CHLSN: variants seen among roughly 807,000 people sequenced by gnomAD.
The protein encoded by CHLSN is cholesin, also known as protein cholesin.
the CHLSN span, among the ~76,000 whole-genome samples, chr7:1,004,250 C>T: frequency 2.0e-5 from 3 of 152,150 alleles, no homozygotes; most frequent in Non-Finnish European, 2.9e-5. Context: ...ATGGCATCTG[C>T]CTGCTGGGGG....
chr7:1,008,968 C>A, the CHLSN span, among the ~76,000 whole-genome samples: 3 of 151,570 alleles, frequency 2.0e-5, no homozygotes, highest in Admixed American at 6.6e-5. Context: ...AACACACATG[C>A]GTGCACACAC....
At chr7:1,012,559 T>C in the CHLSN span, among the ~76,000 whole-genome samples, 1 of 152,238 alleles carries the variant, frequency 6.6e-6, no homozygotes, top group Non-Finnish European at 1.5e-5. Flanking sequence ...GCTCCCGACC[T>C]GGCAGGAGTC....
the CHLSN span, among the ~76,000 whole-genome samples, chr7:1,044,328 C>G: frequency 6.6e-6 from 1 of 152,274 alleles, no homozygotes; most frequent in Non-Finnish European, 1.5e-5. Flanking sequence ...GGTGTGTGTC[C>G]TCCCACAGGG....
chr7:1,135,930 A>AATATATATAAGTATATATAAAT, the CHLSN span, among the ~76,000 whole-genome samples: 53 of 121,976 alleles, frequency 4.3e-4, 1 homozygote, highest in African/African-American at 1.6e-3. Flanking sequence ...AGTATATATA[A>AATATATATAAGTATATATAAAT]ATATATAAGT....
chr7:1,121,847 G>A, the CHLSN span, among the ~76,000 whole-genome samples: 12 of 150,406 alleles, frequency 8.0e-5, no homozygotes, highest in South Asian at 4.2e-4. Context: ...ACAGGGCAGC[G>A]TGCTGCACCC....
chr7:1,136,475 TATATAAAC>T, the CHLSN span, among the ~76,000 whole-genome samples: 20 of 117,098 alleles, frequency 1.7e-4, 1 homozygote, highest in African/African-American at 6.1e-4. Context: ...CATATATAAA[TATATAAAC>T]ATATATAAAC....
the CHLSN span, chr7:1,028,420 C>G: frequency 1.0e-5 from 10 of 986,026 alleles, no homozygotes; most frequent in East Asian, 1.0e-3. Flanking sequence ...CCGGCTGGAC[C>G]GTGACGCCAG....
chr7:1,040,691 A>AC, the CHLSN span, among the ~76,000 whole-genome samples: 1 of 1,080 alleles, frequency 9.3e-4, no homozygotes, highest in African/African-American at 1.0e-3. Flanking sequence ...TAAAAAGAAC[A>AC]AAAAAAAAAA....
At chr7:1,001,111 G>C in the CHLSN span, among the ~76,000 whole-genome samples, 1 of 152,178 alleles carries the variant, frequency 6.6e-6, no homozygotes, top group African/African-American at 2.4e-5. Context: ...GCTGCGGATG[G>C]AGCGAAGCTG....
the CHLSN span, chr7:1,093,136 C>T: frequency 6.2e-5 from 39 of 627,890 alleles, no homozygotes; most frequent in African/African-American, 6.7e-4. Context: ...CACCCAGCTC[C>T]TCCCCGCCAA....
the CHLSN span, among the ~76,000 whole-genome samples, chr7:1,135,279 A>C: frequency 0.046 from 6,958 of 152,082 alleles, 552 homozygotes; most frequent in African/African-American, 0.16. Context: ...ACAGTCTCTT[A>C]TTAACCCTCT....
chr7:1,087,199 A>T, the CHLSN span: 1 of 152,250 alleles, frequency 6.6e-6, no homozygotes, highest in Admixed American at 6.5e-5. Context: ...CATGAGCAGG[A>T]GAGGCGGCCC....
At chr7:981,513 A>C in the CHLSN span, among the ~76,000 whole-genome samples, 1 of 151,548 alleles carries the variant, frequency 6.6e-6, no homozygotes, top group Non-Finnish European at 1.5e-5. Context: ...CAAGAGATCG[A>C]GACTGTCCTG....
chr7:1,122,120 A>G, the CHLSN span, among the ~76,000 whole-genome samples: 2 of 152,314 alleles, frequency 1.3e-5, no homozygotes, highest in South Asian at 2.1e-4. Context: ...GTCAGAAACC[A>G]GGGGTGAGTC....
chr7:1,006,198 G>T, the CHLSN span, among the ~76,000 whole-genome samples: 5 of 152,220 alleles, frequency 3.3e-5, no homozygotes, highest in Admixed American at 2.0e-4. Context: ...TTCCGCCTAT[G>T]CAAGGCCAGA....
chr7:1,020,413 G>A, the CHLSN span, among the ~76,000 whole-genome samples: 1 of 152,128 alleles, frequency 6.6e-6, no homozygotes, highest in African/African-American at 2.4e-5. Flanking sequence ...CCAGAGAGGA[G>A]CCCCCTAGGT....
At chr7:1,118,283 A>T in the CHLSN span, among the ~76,000 whole-genome samples, 1 of 152,264 alleles carries the variant, frequency 6.6e-6, no homozygotes, top group Non-Finnish European at 1.5e-5. Flanking sequence ...AGACGGCATG[A>T]ACACGAAGTG....
the CHLSN span, among the ~76,000 whole-genome samples, chr7:1,109,785 G>C: frequency 6.6e-6 from 1 of 152,076 alleles, no homozygotes; most frequent in Non-Finnish European, 1.5e-5. Context: ...GGGCAGCACA[G>C]CTTCCCGATT....
chr7:1,095,606 C>T, the CHLSN span, among the ~76,000 whole-genome samples: 152 of 152,242 alleles, frequency 1.0e-3, no homozygotes, highest in Non-Finnish European at 1.7e-3. Context: ...CCAGTTCTGA[C>T]GAGCTGACGT....
Sources: gnomAD v4.1 joint callset for allele counts (sites outside exome capture counted in the v4.1 genomes callset) on GRCh38, gnomAD v4.1.1 for gene constraint, MANE v1.5 for transcripts, NCBI Gene and HGNC (gene_info 2026-07-23, HGNC 2026-07-21) for gene names.